DLG2: variants seen among roughly 807,000 people sequenced by gnomAD.
DLG2 encodes discs large MAGUK scaffold protein 2, also known as disks large homolog 2.
Under a neutral mutation model 132.5 loss-of-function variants are expected in DLG2, and 45 were observed. The observed-to-expected ratio is 0.34, with a 90% CI of 0.27 to 0.44. DLG2 has a LOEUF of 0.44. Ranked by LOEUF, DLG2 falls within the 20% of genes least tolerant of loss-of-function variation. The pLI, the probability that DLG2 is intolerant of heterozygous loss-of-function variation, is 1.00. For synonymous variants in DLG2, 424 were observed against 419.6 expected, an observed-to-expected ratio of 1.01 and a Z score of -0.13; for missense variants, 1,045 against 1,196.9, an observed-to-expected ratio of 0.87 and a Z score of 1.87.
At chr11:85,013,840 G>C (rs2154136527) in intron 6 of DLG2, among the ~76,000 whole-genome samples, 1 of 152,218 alleles carries the variant, frequency 6.6e-6, no homozygotes, top group Admixed American at 6.5e-5. Context: ...GCAGCAGTTA[G>C]GGTTTATAGC....
At chr11:83,937,507 C>CAAA (rs11313794) in intron 14 of DLG2, among the ~76,000 whole-genome samples, 1 of 73,770 alleles carries the variant, frequency 1.4e-5, no homozygotes, top group Non-Finnish European at 2.8e-5. Flanking sequence ...GACTCCATCT[C>CAAA]AAAAAAAAAA....
At chr11:83,587,923 G>A (rs1180174478) in intron 19 of DLG2, among the ~76,000 whole-genome samples, 1 of 152,334 alleles carries the variant, frequency 6.6e-6, no homozygotes, top group Non-Finnish European at 1.5e-5. Flanking sequence ...TGAATACTGA[G>A]CTTTTCCCAT....
intron 6 of DLG2, among the ~76,000 whole-genome samples, chr11:84,919,277 T>G (rs369448847): frequency 1.3e-5 from 2 of 152,260 alleles, no homozygotes; most frequent in African/African-American, 4.8e-5. Flanking sequence ...TAAGAGCTAT[T>G]ATTAAACCTT....
intron 7 of DLG2, among the ~76,000 whole-genome samples, chr11:84,395,643 C>T (rs1335332059): frequency 6.6e-6 from 1 of 152,110 alleles, no homozygotes; most frequent in Non-Finnish European, 1.5e-5. Context: ...GAGGTTTCTG[C>T]CTGACAATGC....
chr11:84,623,770 T>C (rs1049962291), intron 6 of DLG2, among the ~76,000 whole-genome samples: 2 of 152,220 alleles, frequency 1.3e-5, no homozygotes, highest in Non-Finnish European at 2.9e-5. Flanking sequence ...CAATCTAAAA[T>C]AGACACTGGC....
chr11:85,272,252 T>C (rs1199048331), intron 4 of DLG2, among the ~76,000 whole-genome samples: 1 of 152,190 alleles, frequency 6.6e-6, no homozygotes, highest in Non-Finnish European at 1.5e-5. Context: ...TCTGCCATAA[T>C]TGTGAGGCCT....
intron 6 of DLG2, among the ~76,000 whole-genome samples, chr11:84,751,840 T>C (rs997691872): frequency 3.3e-5 from 5 of 152,134 alleles, no homozygotes; most frequent in Admixed American, 2.6e-4. Context: ...TTAAAAACCA[T>C]GGATTGGCAA....
chr11:85,424,598 C>T (rs2090571109), intron 3 of DLG2, among the ~76,000 whole-genome samples: 1 of 152,178 alleles, frequency 6.6e-6, no homozygotes, highest in Admixed American at 6.5e-5. Flanking sequence ...AAGTATCCAA[C>T]TGAAGTAGAT....
chr11:83,770,784 A>G (rs938831305), intron 18 of DLG2, among the ~76,000 whole-genome samples: 9 of 152,214 alleles, frequency 5.9e-5, no homozygotes, highest in African/African-American at 2.2e-4. Flanking sequence ...AAGATGGAAA[A>G]TACAAATTGT....
chr11:83,540,251 G>A (rs1457999055), intron 20 of DLG2, among the ~76,000 whole-genome samples: 2 of 152,164 alleles, frequency 1.3e-5, no homozygotes, highest in Non-Finnish European at 2.9e-5. Context: ...TGAAGTAAAT[G>A]GAAATGGAGA....
intron 6 of DLG2, among the ~76,000 whole-genome samples, chr11:84,744,006 G>A (rs1053424426): frequency 1.3e-5 from 2 of 152,142 alleles, no homozygotes; most frequent in Non-Finnish European, 2.9e-5. Flanking sequence ...TTACAGGCAT[G>A]AGCCACCGTG....
chr11:84,464,154 G>A (rs2099087841), intron 7 of DLG2, among the ~76,000 whole-genome samples: 1 of 151,184 alleles, frequency 6.6e-6, no homozygotes, highest in Admixed American at 6.6e-5. Context: ...TATATATTAA[G>A]GGCTGTGCTC....
At position 84,779,194 on chromosome 11, in the gene DLG2, G is replaced by GCA. The variant is rs112067471; in HGVS notation, c.358-244465_358-244464dup. Among the ~76,000 whole-genome samples, 226 of 148,992 alleles carry GCA rather than the reference G, an allele frequency of 1.5e-3. 1 individual carries two copies. Among genetic ancestry groups the GCA allele is most frequent in the East Asian group, 3.7e-3 (19 of 5,074 alleles). Reference sequence around the variant, plus strand: ...CCCTTTCTCATATATATATATGTGCGCACACACACACACACACACATATAT... The same window carrying GCA: ...CCCTTTCTCATATATATATATGTGCGCACACACACACACACACACACATATAT... On this transcript the variant is annotated intron_variant, in intron 6 of 27. Transcript: ENST00000376104.
intron 6 of DLG2, among the ~76,000 whole-genome samples, chr11:84,779,083 T>C (rs1169175031): frequency 1.3e-5 from 2 of 152,264 alleles, no homozygotes; most frequent in Middle Eastern, 6.8e-3. Flanking sequence ...ACTGAGCCAC[T>C]ACTGGCTTCC....
At chr11:85,007,386 C>T (rs979957745) in intron 6 of DLG2, among the ~76,000 whole-genome samples, 4 of 151,908 alleles carry the variant, frequency 2.6e-5, no homozygotes, top group Admixed American at 6.6e-5. Flanking sequence ...TATGGCCGGG[C>T]GCAGTGGCTC....
rs556438111 is a variant in DLG2, at chr11:84,515,069, T to A, written c.519+19501A>T. The stretch of plus-strand genomic sequence containing the variant: ...ATAGACACACAAAAAAATTAAAAAA[T>A]AAGGAATCAAAACATACCACTAGCA... On this transcript the variant is annotated intron_variant, in intron 7 of 27. Coordinates refer to ENST00000376104, the MANE Select transcript of DLG2 (RefSeq NM_001142699.3). Among the ~76,000 whole-genome samples, 3 of 151,416 alleles carry A rather than the reference T, an allele frequency of 2.0e-5. No individual in the cohort carries two copies. The South Asian group carries it at 6.3e-4, about 32-fold the overall frequency.
chr11:84,932,671 C>T (rs1388115285), intron 6 of DLG2, among the ~76,000 whole-genome samples: 2 of 152,148 alleles, frequency 1.3e-5, no homozygotes, highest in African/African-American at 4.8e-5. Flanking sequence ...TCATCCACAT[C>T]CCTGTGAAAC....
chr11:85,004,225 G>T (rs2058449702), intron 6 of DLG2, among the ~76,000 whole-genome samples: 1 of 152,098 alleles, frequency 6.6e-6, no homozygotes, highest in Non-Finnish European at 1.5e-5. Context: ...AATCCTTTGG[G>T]TATATACCCA....
intron 6 of DLG2, among the ~76,000 whole-genome samples, chr11:85,056,624 A>G (rs962309775): frequency 9.2e-5 from 14 of 152,020 alleles, no homozygotes; most frequent in African/African-American, 3.1e-4. Flanking sequence ...AAAACTGACA[A>G]GAAAAAAAGC....
Sources: allele counts gnomAD v4.1 joint callset (sites outside exome capture counted in the v4.1 genomes callset), GRCh38; gene constraint gnomAD v4.1.1; transcripts MANE v1.5; gene names NCBI Gene and HGNC (gene_info 2026-07-23, HGNC 2026-07-21).